Variants in ENTHD1 observed in about 807,000 individuals in gnomAD.
ENTHD1 encodes ENTH domain-containing protein 1.
In ENTHD1, 23 loss-of-function variants were observed where a neutral mutation model predicts 39.1. The ratio of observed to expected loss-of-function variants is 0.59; its 90% CI spans 0.42 to 0.83. The LOEUF is 0.83. ENTHD1 is among the 40% of genes least tolerant of loss of function. The pLI is 0.00. For missense variants in ENTHD1, 624 were observed against 705.4 expected (o/e 0.88, Z 1.31); for synonymous variants, 230 against 258.2 (o/e 0.89, Z 1.05).
At chr22:39,888,612 G>GA (rs1484309409) in intron 1 of ENTHD1, among the ~76,000 whole-genome samples, 1 of 152,120 alleles carries the variant, frequency 6.6e-6, no homozygotes, top group Non-Finnish European at 1.5e-5. Context: ...ATTTTTAGTA[G>GA]AGACGGGGTT....
At chr22:39,846,411 G>A (rs1228247621) in intron 3 of ENTHD1, among the ~76,000 whole-genome samples, 1 of 152,034 alleles carries the variant, frequency 6.6e-6, no homozygotes, top group African/African-American at 2.4e-5. Flanking sequence ...AGTAGGTTGC[G>A]AAAATTTTCT....
intron 4 of ENTHD1, among the ~76,000 whole-genome samples, chr22:39,835,527 CTT>C (rs1410311212): frequency 6.6e-6 from 1 of 151,888 alleles, no homozygotes; most frequent in Non-Finnish European, 1.5e-5. Context: ...GACCATAAAA[CTT>C]TGATAATTTG....
At chr22:39,801,485 C>T (rs1017920878) in intron 5 of ENTHD1, among the ~76,000 whole-genome samples, 2 of 152,182 alleles carry the variant, frequency 1.3e-5, no homozygotes, top group African/African-American at 2.4e-5. Flanking sequence ...CACATACACT[C>T]ATACAAAGAG....
chr22:39,889,398 A>G (rs1938253021), intron 1 of ENTHD1, among the ~76,000 whole-genome samples: 1 of 152,102 alleles, frequency 6.6e-6, no homozygotes, highest in Admixed American at 6.5e-5. Flanking sequence ...CTTTTTCATT[A>G]TTTTGTATTA....
chr22:39,841,526 A>T (rs1387410284), intron 3 of ENTHD1, among the ~76,000 whole-genome samples: 6 of 151,412 alleles, frequency 4.0e-5, no homozygotes, highest in Non-Finnish European at 7.4e-5. Context: ...TTGTTGGTTT[A>T]AAGTCTGTTT....
intron 6 of ENTHD1, among the ~76,000 whole-genome samples, chr22:39,755,389 G>T (rs1350447720): frequency 6.6e-6 from 1 of 152,120 alleles, no homozygotes; most frequent in African/African-American, 2.4e-5. Flanking sequence ...AAGCAAGATG[G>T]TTTATCTGAC....
chr22:39,868,165 G>C (rs2066205179), intron 2 of ENTHD1, among the ~76,000 whole-genome samples: 1 of 151,760 alleles, frequency 6.6e-6, no homozygotes, highest in Non-Finnish European at 1.5e-5. Flanking sequence ...GGATCTAAAA[G>C]CAGGAGGATA....
In ENTHD1 at chr22:39,743,516, C is replaced by A; in HGVS notation, c.*163G>T. Reference sequence around the variant, plus strand: ...CTTTCCCTTTTAAAAAATAAACCACCCAAATGAAAGTATTAGTTTGAAAGA... The same window carrying A: ...CTTTCCCTTTTAAAAAATAAACCACACAAATGAAAGTATTAGTTTGAAAGA... On this transcript the variant is annotated 3_prime_UTR_variant, in exon 7 of 7. Transcript: ENST00000325157. 2 of 745,854 alleles carry A rather than the reference C, an allele frequency of 2.7e-6. No individual in the cohort carries two copies. The highest frequency in any genetic ancestry group is 3.0e-5 in the East Asian group (1 of 33,846). The allele number at this position is 745,854 out of a possible 1,614,324, so 46.2% of individuals were successfully genotyped here. A position where few individuals can be genotyped will look rare whatever the true frequency, so the allele number is the denominator to read the frequency against.
chr22:39,756,396 G>A (rs764975569), intron 6 of ENTHD1, among the ~76,000 whole-genome samples: 17 of 151,748 alleles, frequency 1.1e-4, no homozygotes, highest in African/African-American at 2.4e-4. Flanking sequence ...GTGTAGTGGC[G>A]TGATCTGGGC....
intron 6 of ENTHD1, 43 bp downstream of exon 6, chr22:39,765,177 TGTG>T: frequency 5.5e-6 from 1 of 181,624 alleles, no homozygotes; most frequent in Non-Finnish European, 8.3e-6. Flanking sequence ...GGTTTTTTGT[TGTG>T]TGTGTGTGTG....
At chr22:39,806,287 A>G (rs1218047340) in intron 5 of ENTHD1, among the ~76,000 whole-genome samples, 3 of 152,220 alleles carry the variant, frequency 2.0e-5, no homozygotes, top group Non-Finnish European at 4.4e-5. Flanking sequence ...CCTCCTTTTC[A>G]ATAGACTCTC....
At chr22:39,780,372 T>A (rs191827307) in intron 5 of ENTHD1, among the ~76,000 whole-genome samples, 1 of 117,312 alleles carries the variant, frequency 8.5e-6, no homozygotes, top group Non-Finnish European at 1.9e-5. Flanking sequence ...GCAAGACTAG[T>A]CTCAAAAAAA....
intron 1 of ENTHD1, among the ~76,000 whole-genome samples, chr22:39,891,427 G>T (rs1033449661): frequency 2.6e-5 from 4 of 151,570 alleles, no homozygotes; most frequent in Non-Finnish European, 5.9e-5. Context: ...GAATGATTCT[G>T]CCTTGGGATA....
chr22:39,821,677 C>T (rs1285714825), intron 4 of ENTHD1, among the ~76,000 whole-genome samples: 1 of 152,128 alleles, frequency 6.6e-6, no homozygotes, highest in Non-Finnish European at 1.5e-5. Flanking sequence ...TGCCTTAGTC[C>T]ATTCCGGTCA....
chr22:39,853,944 G>T (rs1191015564), intron 3 of ENTHD1, among the ~76,000 whole-genome samples: 2 of 152,216 alleles, frequency 1.3e-5, no homozygotes, highest in African/African-American at 4.8e-5. Flanking sequence ...GTAAAAATAA[G>T]TAAGATGATT....
At chr22:39,762,469 T>C (rs922591744) in intron 6 of ENTHD1, among the ~76,000 whole-genome samples, 1 of 151,976 alleles carries the variant, frequency 6.6e-6, no homozygotes, top group Admixed American at 6.6e-5. Context: ...TCTCACTGTG[T>C]CACCCAGGCT....
intron 2 of ENTHD1, among the ~76,000 whole-genome samples, chr22:39,874,042 G>A (rs546626725): frequency 1.3e-5 from 2 of 152,300 alleles, no homozygotes; most frequent in African/African-American, 4.8e-5. Context: ...CACATCTTAT[G>A]TGGATGGTGG....
chr22:39,861,766 T>A lies in ENTHD1; in HGVS notation c.591A>T (p.Lys197Asn), dbSNP rs375243563. The A allele has an allele frequency of 3.9e-6, 6 of 1,532,062 alleles. No individual in the cohort carries two copies. In the African/African-American group the frequency reaches 8.1e-5, roughly 21 times the overall value. The allele number at this position is 1,532,062 out of a possible 1,614,324, so 94.9% of individuals were successfully genotyped here. ...KLPKFGRLHN[K>N]RNVCKAGLKQ... ...TAGGCCAATGTTCATTATACGTACT[T>A]TTATTATGTAACCTTCCAAACTTAG... is the stretch of plus-strand genomic sequence containing the variant. The change falls in exon 3 of 7, where the codon AAA (lysine) becomes AAT (asparagine). Residue 197 changes from lysine to asparagine, a missense_variant and splice_region_variant. Coordinates refer to ENST00000325157, the MANE Select transcript of ENTHD1 (RefSeq NM_152512.4).
intron 5 of ENTHD1, among the ~76,000 whole-genome samples, chr22:39,799,387 G>A (rs145812099): frequency 5.7e-4 from 87 of 152,286 alleles, no homozygotes; most frequent in African/African-American, 2.0e-3. Flanking sequence ...GTGTGTTAGA[G>A]CGGTGGTGAT....
Sources: gnomAD v4.1 joint callset for allele counts (sites outside exome capture counted in the v4.1 genomes callset) on GRCh38, gnomAD v4.1.1 for gene constraint, MANE v1.5 for transcripts, NCBI Gene and HGNC (gene_info 2026-07-23, HGNC 2026-07-21) for gene names.